NHS: variants seen among roughly 807,000 people sequenced by gnomAD.
The protein encoded by NHS is NHS actin remodeling regulator.
Under a neutral mutation model 72.5 loss-of-function variants are expected in NHS, and 5 were observed. That is an observed-to-expected ratio of 0.07 (90% CI 0.04 to 0.14). The LOEUF (loss-of-function observed/expected upper bound fraction) is 0.14, where lower values mean the gene tolerates loss of function less well. NHS is among the 10% of genes least tolerant of loss of function. NHS has a pLI of 1.00. For synonymous variants in NHS, 464 were observed against 547.7 expected (o/e 0.85, Z 2.13); for missense variants, 1,072 against 1,355.7 (o/e 0.79, Z 3.29).
chrX:17,535,248 A>G (rs2065217567), intron 1 of NHS, among the ~76,000 whole-genome samples: 1 of 111,876 alleles, frequency 8.9e-6, no homozygotes, highest in African/African-American at 3.3e-5. Flanking sequence ...TGATGGTCAC[A>G]GGTTGCTTCT....
At chrX:17,596,979 G>A (rs1378820333) in intron 1 of NHS, among the ~76,000 whole-genome samples, 1 of 111,315 alleles carries the variant, frequency 9.0e-6, no homozygotes, top group African/African-American at 3.3e-5. Context: ...GGCCAGAACT[G>A]TCACGTGGCC....
chrX:17,378,443 T>A (rs1301403073), intron 1 of NHS, among the ~76,000 whole-genome samples: 1 of 112,334 alleles, frequency 8.9e-6, no homozygotes, highest in Non-Finnish European at 1.9e-5. Flanking sequence ...TCTCTTCTCT[T>A]GTTCATTTAA....
At chrX:17,555,950 A>G (rs1161142058) in intron 1 of NHS, among the ~76,000 whole-genome samples, 2 of 112,407 alleles carry the variant, frequency 1.8e-5, no homozygotes. Flanking sequence ...GGGAGAAATC[A>G]CATTTGGTCT....
intron 1 of NHS, among the ~76,000 whole-genome samples, chrX:17,578,544 G>A (rs1283982156): frequency 8.9e-6 from 1 of 112,057 alleles, no homozygotes; most frequent in Admixed American, 9.5e-5. Context: ...ATAGTAACTG[G>A]CTGCATAGGG....
chrX:17,459,570 C>T (rs762039830), intron 1 of NHS, among the ~76,000 whole-genome samples: 8 of 112,222 alleles, frequency 7.1e-5, no homozygotes, highest in African/African-American at 2.6e-4. Context: ...CAGAGCCTTG[C>T]TGTAAATCTA....
chrX:17,451,668 C>A (rs1285991793), intron 1 of NHS, among the ~76,000 whole-genome samples: 3 of 111,761 alleles, frequency 2.7e-5, no homozygotes, highest in Non-Finnish European at 3.8e-5. Context: ...AATTCTCCCC[C>A]CAAATGGTCT....
At chrX:17,604,662 T>G (rs746104843) in intron 1 of NHS, among the ~76,000 whole-genome samples, 2 of 112,049 alleles carry the variant, frequency 1.8e-5, no homozygotes, top group African/African-American at 3.2e-5. Flanking sequence ...TGAGGACTCT[T>G]TGAGGTCACC....
intron 1 of NHS, among the ~76,000 whole-genome samples, chrX:17,597,536 G>T (rs923562057): frequency 1.8e-5 from 2 of 109,383 alleles, no homozygotes; most frequent in Non-Finnish European, 3.8e-5. Context: ...AAGAGCAAAA[G>T]AAGAGAGCAG....
At chrX:17,656,210 G>A (rs1034720718) in intron 1 of NHS, among the ~76,000 whole-genome samples, 4 of 112,947 alleles carry the variant, frequency 3.5e-5, no homozygotes, top group African/African-American at 1.3e-4. Flanking sequence ...CAGGGCGCAC[G>A]GGCGGTAGGA....
intron 1 of NHS, among the ~76,000 whole-genome samples, chrX:17,432,988 A>G (rs1027020231): frequency 1.8e-5 from 2 of 111,439 alleles, no homozygotes; most frequent in Non-Finnish European, 3.8e-5. Context: ...CAGAAAATAC[A>G]TAGGTTTCAT....
intron 1 of NHS, chrX:17,528,494 A>G (rs1173703711): frequency 8.9e-6 from 1 of 112,223 alleles, no homozygotes; most frequent in Non-Finnish European, 1.9e-5. Flanking sequence ...ACATGTGAAT[A>G]ACTGGGTCGT....
At chrX:17,482,795 C>T (rs762772715) in intron 1 of NHS, among the ~76,000 whole-genome samples, 5 of 112,027 alleles carry the variant, frequency 4.5e-5, no homozygotes, top group African/African-American at 6.5e-5. Flanking sequence ...TCCTATTCAG[C>T]GGATTTCTCT....
At chrX:17,525,324 C>A (rs987270694) in intron 1 of NHS, among the ~76,000 whole-genome samples, 1 of 111,383 alleles carries the variant, frequency 9.0e-6, no homozygotes, top group African/African-American at 3.3e-5. Flanking sequence ...CCATCTGAAC[C>A]CTGCTCCAGA....
At chrX:17,537,111 A>G (rs1479865643) in intron 1 of NHS, among the ~76,000 whole-genome samples, 1 of 112,418 alleles carries the variant, frequency 8.9e-6, no homozygotes, top group East Asian at 2.8e-4. Flanking sequence ...TTTACAAAAA[A>G]AGGATAAGTG....
At chrX:17,543,054 A>C (rs1472960203) in intron 1 of NHS, among the ~76,000 whole-genome samples, 2 of 111,771 alleles carry the variant, frequency 1.8e-5, no homozygotes, top group African/African-American at 6.5e-5. Flanking sequence ...AGTGCTTCTC[A>C]AACTTTAGTA....
intron 7 of NHS, 46 bp from the exon 8 acceptor site, chrX:17,728,603 G>A (rs776998860): frequency 4.1e-5 from 49 of 1,198,512 alleles, no homozygotes; most frequent in South Asian, 2.7e-4. Flanking sequence ...GTACAGTAGC[G>A]TGCTGGGTAA....
intron 1 of NHS, among the ~76,000 whole-genome samples, chrX:17,419,996 G>C (rs1012786479): frequency 9.0e-5 from 10 of 111,449 alleles, no homozygotes; most frequent in Admixed American, 3.8e-4. Context: ...CAGCAAATCT[G>C]GTGGTTGTAG....
At chrX:17,541,296 T>A (rs962140195) in intron 1 of NHS, among the ~76,000 whole-genome samples, 12 of 111,959 alleles carry the variant, frequency 1.1e-4, no homozygotes, top group Non-Finnish European at 2.1e-4. Context: ...CAGAGCCAGG[T>A]TTGAATGTGA....
Position 17,734,812 on chromosome X carries a change from C to T in NHS, c.*2348C>T. ...GCGATAAGAAACCGTCATTTCCAGT[C>T]ACAGTAGGCGATCTTTCGTAATTTC... On this transcript the variant is annotated 3_prime_UTR_variant, in exon 9 of 9. Coordinates refer to ENST00000676302, the MANE Select transcript of NHS (RefSeq NM_001291867.2). The T allele has an allele frequency of 8.9e-6, 1 of 112,171 alleles. No homozygotes were observed. The allele number at this position is 112,171 out of a possible 1,213,427, so 9.2% of individuals were successfully genotyped here. A position where few individuals can be genotyped will look rare whatever the true frequency, so the allele number is the denominator to read the frequency against.
Sources: gnomAD v4.1 joint callset for allele counts (sites outside exome capture counted in the v4.1 genomes callset) on GRCh38, gnomAD v4.1.1 for gene constraint, MANE v1.5 for transcripts, NCBI Gene and HGNC (gene_info 2026-07-23, HGNC 2026-07-21) for gene names.